SLC2A13: variants seen among roughly 807,000 people sequenced by gnomAD.
The protein encoded by SLC2A13 is proton myo-inositol cotransporter.
SLC2A13 carries 32 observed loss-of-function variants against 64.4 expected under a neutral mutation model. The ratio of observed to expected loss-of-function variants is 0.50; its 90% CI spans 0.37 to 0.67. The LOEUF (loss-of-function observed/expected upper bound fraction) is 0.67, where lower values mean the gene tolerates loss of function less well. Ranked by LOEUF, SLC2A13 falls within the 30% of genes least tolerant of loss-of-function variation. The probability of loss-of-function intolerance (pLI) is 0.00; values close to 1 mark genes in which losing one functional copy is unlikely to be tolerated. For synonymous variants in SLC2A13, 338 were observed against 327.1 expected (o/e 1.03, Z -0.36); for missense variants, 743 against 829.2 (o/e 0.90, Z 1.28).
At chr12:39,920,957 C>T (rs2136055372) in intron 4 of SLC2A13, among the ~76,000 whole-genome samples, 1 of 152,174 alleles carries the variant, frequency 6.6e-6, no homozygotes, top group East Asian at 1.9e-4. Context: ...ACAACTTCAG[C>T]ACTATGCACA....
intron 4 of SLC2A13, among the ~76,000 whole-genome samples, chr12:39,878,950 C>T (rs1944269094): frequency 6.6e-6 from 1 of 152,266 alleles, no homozygotes; most frequent in African/African-American, 2.4e-5. Flanking sequence ...AGCCCAGAGC[C>T]TACTGCCCTG....
chr12:40,034,405 C>A (rs1458132369), intron 2 of SLC2A13, among the ~76,000 whole-genome samples: 1 of 152,152 alleles, frequency 6.6e-6, no homozygotes, highest in South Asian at 2.1e-4. Flanking sequence ...AATCTTGATA[C>A]TTTCTGAAAC....
intron 4 of SLC2A13, among the ~76,000 whole-genome samples, chr12:39,917,869 TTC>T (rs1383596408): frequency 2.6e-5 from 4 of 152,208 alleles, no homozygotes; most frequent in Admixed American, 1.3e-4. Flanking sequence ...TCTCTTCTTA[TTC>T]TCTGTTACTC....
Position 40,105,521 on chromosome 12 carries a change from G to C in SLC2A13, c.288C>G (p.Gly96=). The change falls in exon 1 of 10, where the codon GGC becomes GGG. Residue 96 remains glycine (G), a synonymous_variant. Coordinates refer to ENST00000280871, the MANE Select transcript of SLC2A13 (RefSeq NM_052885.4). This position sits in a 1 kb window ranked among gnomAD's most constrained non-coding sequence, Gnocchi z 4.2. The part of the protein sequence containing the change: ...VFSALGGFLF[G]YDTGVVSGAM... ...CCCCTGACACCACCCCGGTGTCATA[G>C]CCAAACAGGAAGCCGCCCAGCGCGG... 1 of 1,582,406 alleles carries C rather than the reference G, an allele frequency of 6.3e-7. No homozygotes were observed. Among genetic ancestry groups the C allele is most frequent in the South Asian group, 1.1e-5 (1 of 86,958 alleles).
chr12:40,066,864 T>A (rs191213171), intron 1 of SLC2A13, among the ~76,000 whole-genome samples: 8 of 152,294 alleles, frequency 5.3e-5, no homozygotes, highest in Admixed American at 2.6e-4. Context: ...AAGCTAAATC[T>A]CAAAGTTGAC....
intron 3 of SLC2A13, among the ~76,000 whole-genome samples, chr12:39,980,957 AAATTAT>A (rs1159107146): frequency 6.6e-6 from 1 of 151,924 alleles, no homozygotes; most frequent in African/African-American, 2.4e-5. Flanking sequence ...AAAAGAACAG[AAATTAT>A]AACAAACTAT....
chr12:39,877,926 C>T (rs2135951861), intron 4 of SLC2A13, among the ~76,000 whole-genome samples: 1 of 152,232 alleles, frequency 6.6e-6, no homozygotes, highest in Non-Finnish European at 1.5e-5. Context: ...AGGTGGATCC[C>T]TCAAGGTTTG....
At chr12:40,039,522 G>A (rs78131768) in intron 2 of SLC2A13, among the ~76,000 whole-genome samples, 4,362 of 152,150 alleles carry the variant, frequency 0.029, 183 homozygotes, top group Admixed American at 0.11. Context: ...TAAGTATTAC[G>A]TTTTAATGCT....
At chr12:39,994,819 A>G (rs1353986003) in intron 3 of SLC2A13, among the ~76,000 whole-genome samples, 1 of 152,232 alleles carries the variant, frequency 6.6e-6, no homozygotes, top group Non-Finnish European at 1.5e-5. Flanking sequence ...GGTTTTTGAG[A>G]GGATGAGATA....
chr12:39,952,698 T>G (rs900910361), intron 3 of SLC2A13, among the ~76,000 whole-genome samples: 1 of 152,154 alleles, frequency 6.6e-6, no homozygotes, highest in African/African-American at 2.4e-5. Flanking sequence ...CTAAATGTAG[T>G]GACGATCCAT....
chr12:39,942,195 C>CT (rs1946041686), intron 4 of SLC2A13, among the ~76,000 whole-genome samples: 1 of 151,968 alleles, frequency 6.6e-6, no homozygotes, highest in African/African-American at 2.4e-5. Context: ...TATGTGGGCT[C>CT]TTTTTTGGTT....
chr12:40,000,694 G>A (rs1374446602), intron 3 of SLC2A13, among the ~76,000 whole-genome samples: 1 of 152,174 alleles, frequency 6.6e-6, no homozygotes, highest in Non-Finnish European at 1.5e-5. Flanking sequence ...CTCTGTGTGT[G>A]CAAATCCCTG....
At chr12:39,877,319 A>G (rs969507600) in intron 4 of SLC2A13, among the ~76,000 whole-genome samples, 1 of 152,174 alleles carries the variant, frequency 6.6e-6, no homozygotes, top group African/African-American at 2.4e-5. Flanking sequence ...GCAAGAAAGA[A>G]TATGCAGGGG....
chr12:39,802,478 C>A (rs905756578), intron 7 of SLC2A13: 1 of 152,012 alleles, frequency 6.6e-6, no homozygotes, highest in Non-Finnish European at 1.5e-5. Flanking sequence ...TAGGCAAGGG[C>A]CACTTCATAC....
intron 2 of SLC2A13, among the ~76,000 whole-genome samples, chr12:40,038,791 G>A (rs919735569): frequency 6.6e-6 from 1 of 151,528 alleles, no homozygotes; most frequent in East Asian, 1.9e-4. Context: ...AAAGGGAAAA[G>A]GAAAGGAAAA....
chr12:39,957,771 G>C (rs201745862), intron 3 of SLC2A13, among the ~76,000 whole-genome samples: 2 of 152,096 alleles, frequency 1.3e-5, no homozygotes, highest in Admixed American at 6.6e-5. Flanking sequence ...GACTTCCATT[G>C]ATTTCTCCTG....
chr12:39,936,668 T>C (rs552419124), intron 4 of SLC2A13, among the ~76,000 whole-genome samples: 118 of 152,246 alleles, frequency 7.8e-4, no homozygotes, highest in African/African-American at 2.7e-3. Flanking sequence ...ATTAGGGATA[T>C]AAAATTGAAG....
intron 7 of SLC2A13, among the ~76,000 whole-genome samples, chr12:39,768,719 A>G (rs1273915609): frequency 6.6e-6 from 1 of 152,116 alleles, no homozygotes; most frequent in Non-Finnish European, 1.5e-5. Flanking sequence ...TACAATAGTA[A>G]CATTAAAGAT....
intron 3 of SLC2A13, among the ~76,000 whole-genome samples, chr12:40,010,504 G>GA (rs374070707): frequency 1.3e-5 from 2 of 151,790 alleles, no homozygotes; most frequent in Middle Eastern, 3.4e-3. Flanking sequence ...AAAAACCACA[G>GA]AAAAAAATGT....
Sources: allele counts gnomAD v4.1 joint callset (sites outside exome capture counted in the v4.1 genomes callset), GRCh38; gene constraint gnomAD v4.1.1; non-coding constraint Gnocchi (gnomAD v3.1); transcripts MANE v1.5; gene names NCBI Gene and HGNC (gene_info 2026-07-23, HGNC 2026-07-21).